CPLX2: variants seen among roughly 807,000 people sequenced by gnomAD.
The protein encoded by CPLX2 is complexin-2.
CPLX2 carries 5 observed loss-of-function variants against 16.3 expected under a neutral mutation model. The ratio of observed to expected loss-of-function variants is 0.31; its 90% CI spans 0.16 to 0.64. The LOEUF is 0.64. Among genes scored for constraint, CPLX2 ranks in the 30% least tolerant of loss-of-function variants. The pLI is 0.79. For missense variants in CPLX2, 144 were observed against 181.4 expected, an observed-to-expected ratio of 0.79 and a Z score of 1.18; for synonymous variants, 89 against 73.2, an observed-to-expected ratio of 1.22 and a Z score of -1.10.
rs1054611198 is a variant in CPLX2 at position 175,872,889 on chromosome 5, G to C, written c.-89+1184G>C. The C allele has an allele frequency of 1.3e-5, 2 of 152,254 alleles. No homozygotes were observed. Among genetic ancestry groups the C allele is most frequent in the African/African-American group, 2.4e-5 (1 of 41,384 alleles). 9.4% of individuals were successfully genotyped at this position (152,254 alleles called of 1,614,324 possible). A position where few individuals can be genotyped will look rare whatever the true frequency, so the allele number is the denominator to read the frequency against. ...CCCGAGTCAGCCTGTCAGATGGCGG[G>C]GCCCAGTCCCGAAAACCTCTAGGGG... is the stretch of plus-strand genomic sequence containing the variant. On this transcript the variant is annotated intron_variant, in intron 1 of 3. Coordinates refer to ENST00000393745, the MANE Select transcript of CPLX2 (RefSeq NM_001008220.2). The surrounding 1 kb of genome is among the most constrained non-coding windows in gnomAD (Gnocchi z 5.0).
intron 2 of CPLX2, among the ~76,000 whole-genome samples, chr5:175,852,400 TAGAA>T (rs1042382812): frequency 6.6e-6 from 1 of 152,086 alleles, no homozygotes; most frequent in African/African-American, 2.4e-5. Context: ...ACTGTCTTGG[TAGAA>T]AGAAAGAGCC....
rs1758710220 is a variant in CPLX2 at position 175,830,264 on chromosome 5, T to A, written c.-89+21196T>A. ...GCCCAGCAAGAGGGAAATGATGGCATCTTTTGTGGCTGAATTTTCACAACT... is the reference window on the plus strand; with the variant it reads ...GCCCAGCAAGAGGGAAATGATGGCAACTTTTGTGGCTGAATTTTCACAACT... On this transcript the variant is annotated intron_variant, in intron 2 of 4. Transcript: ENST00000359546. The surrounding 1 kb of genome is among the most constrained non-coding windows in gnomAD (Gnocchi z 4.0). Among the ~76,000 whole-genome samples the A allele has an allele frequency of 6.6e-6, 1 of 151,990 alleles. No homozygotes were observed. The highest frequency in any genetic ancestry group is 2.4e-5 in the African/African-American group (1 of 41,386).
At chr5:175,862,382 T>C (rs567207185) in intron 2 of CPLX2, among the ~76,000 whole-genome samples, 150 of 152,226 alleles carry the variant, frequency 9.9e-4, no homozygotes, top group African/African-American at 3.3e-3. Context: ...CCAAATTAGA[T>C]TTTTTTTAAT....
At chr5:175,812,040 A>T (rs997956790) in intron 2 of CPLX2, among the ~76,000 whole-genome samples, 8 of 152,240 alleles carry the variant, frequency 5.3e-5, no homozygotes, top group Non-Finnish European at 1.0e-4. Flanking sequence ...AGAGTTTCAT[A>T]CTACAGATGC....
chr5:175,854,936 C>T (rs775323168), intron 2 of CPLX2, among the ~76,000 whole-genome samples: 2 of 152,238 alleles, frequency 1.3e-5, no homozygotes, highest in East Asian at 1.9e-4. Context: ...GCCAGACAGA[C>T]GTCATCTCTG....
intron 2 of CPLX2, among the ~76,000 whole-genome samples, chr5:175,812,832 C>CTT (rs1405318583): frequency 6.6e-6 from 1 of 152,200 alleles, no homozygotes; most frequent in East Asian, 1.9e-4. Flanking sequence ...AAAAGCTTCG[C>CTT]TTTTATCTGT....
chr5:175,876,434 A>G (rs1310287786), intron 1 of CPLX2, among the ~76,000 whole-genome samples: 2 of 152,174 alleles, frequency 1.3e-5, no homozygotes, highest in Non-Finnish European at 2.9e-5. Flanking sequence ...GGAGTCAGAA[A>G]AGGCAAAGGA....
intron 2 of CPLX2, among the ~76,000 whole-genome samples, chr5:175,816,564 G>A (rs560900177): frequency 1.3e-5 from 2 of 152,198 alleles, no homozygotes; most frequent in South Asian, 4.1e-4. Flanking sequence ...TCACCATCAG[G>A]GGCGGGAAAG....
chr5:175,866,420 TG>T (rs1443407076), intron 2 of CPLX2, among the ~76,000 whole-genome samples: 3 of 152,168 alleles, frequency 2.0e-5, no homozygotes, highest in Non-Finnish European at 2.9e-5. Flanking sequence ...ATTCTTCCTT[TG>T]ATAGGATGGG....
chr5:175,853,486 T>C (rs1314706029), intron 2 of CPLX2, among the ~76,000 whole-genome samples: 1 of 152,174 alleles, frequency 6.6e-6, no homozygotes, highest in Non-Finnish European at 1.5e-5. Context: ...CTGAAAGAGC[T>C]GGGTACCAGG....
chr5:175,826,659 C>A (rs1353655953), intron 2 of CPLX2, among the ~76,000 whole-genome samples: 2 of 152,062 alleles, frequency 1.3e-5, no homozygotes, highest in Admixed American at 1.3e-4. Flanking sequence ...ATGGCACTTG[C>A]TTTGGGGCCC....
At chr5:175,854,720 C>T (rs965511736) in intron 2 of CPLX2, among the ~76,000 whole-genome samples, 1 of 152,112 alleles carries the variant, frequency 6.6e-6, no homozygotes, top group African/African-American at 2.4e-5. Context: ...AGTAAACATC[C>T]CAAGATCACA....
At chr5:175,869,739 G>A (rs1352039641), upstream of CPLX2, among the ~76,000 whole-genome samples, 3 of 152,212 alleles carry the variant, frequency 2.0e-5, no homozygotes, top group East Asian at 5.8e-4. Flanking sequence ...ATTTCCAGGT[G>A]CCCACCACCA....
chr5:175,837,245 G>C (rs73803061), intron 2 of CPLX2, among the ~76,000 whole-genome samples: 2 of 152,276 alleles, frequency 1.3e-5, no homozygotes, highest in Admixed American at 1.3e-4. Flanking sequence ...GAAAGGCCTC[G>C]GGGCAACCCC....
At chr5:175,846,142 T>C (rs1759039060) in intron 2 of CPLX2, among the ~76,000 whole-genome samples, 1 of 152,102 alleles carries the variant, frequency 6.6e-6, no homozygotes, top group African/African-American at 2.4e-5. Flanking sequence ...CGCACCCCCC[T>C]GCCTGGCCAA....
chr5:175,847,465 C>T (rs999065), intron 2 of CPLX2, among the ~76,000 whole-genome samples: 1 of 151,984 alleles, frequency 6.6e-6, no homozygotes, highest in East Asian at 1.9e-4. Flanking sequence ...CCTTCGCTCA[C>T]AGCATGCGTG....
intron 1 of CPLX2, chr5:175,805,622 G>A (rs1758184090): frequency 6.6e-6 from 1 of 152,352 alleles, no homozygotes; most frequent in African/African-American, 2.4e-5. Flanking sequence ...AGTTCCCTGG[G>A]TGGGTCTAGT....
rs75822413 is a variant in CPLX2, at chr5:175,875,674, G to A, written c.-88-2978G>A. Among the ~76,000 whole-genome samples the A allele has an allele frequency of 3.4e-3, 519 of 152,194 alleles. 8 individuals carry two copies. Among genetic ancestry groups the A allele is most frequent in the African/African-American group, 0.012 (495 of 41,532 alleles). ...CTTTCGCCCGTGAAGTGGAGGGAAA[G>A]TCACCTGCTGAGAAGGAAGAGGCAG... On this transcript the variant is annotated intron_variant, in intron 1 of 3. Transcript: ENST00000393745.
rs564530544 is a variant in CPLX2, at chr5:175,865,213, T to A, written c.-88-13439T>A. Among the ~76,000 whole-genome samples, 3 of 152,378 alleles carry A rather than the reference T, an allele frequency of 2.0e-5. No homozygotes were observed. In the East Asian group the frequency reaches 5.8e-4, roughly 29 times the overall value. On this transcript the variant is annotated intron_variant, in intron 2 of 4. Coordinates refer to the CPLX2 transcript ENST00000359546. ...TAAGCTTATTAACCTCTGTTGTCCA[T>A]GTTCAACCAATATCCTTGCTTTAAC... is the stretch of plus-strand genomic sequence containing the variant.
Sources: gnomAD v4.1 joint callset for allele counts (sites outside exome capture counted in the v4.1 genomes callset) on GRCh38, gnomAD v4.1.1 for gene constraint, Gnocchi (gnomAD v3.1) non-coding constraint, MANE v1.5 for transcripts, NCBI Gene and HGNC (gene_info 2026-07-23, HGNC 2026-07-21) for gene names.